Variants in DCDC2C observed in about 807,000 individuals in gnomAD.
The protein encoded by DCDC2C is doublecortin domain containing 2C, also known as doublecortin domain-containing protein 2C.
DCDC2C carries 44 observed loss-of-function variants against 45.0 expected under a neutral mutation model. The ratio of observed to expected loss-of-function variants is 0.98; its 90% CI spans 0.77 to 1.26. The LOEUF (loss-of-function observed/expected upper bound fraction) is 1.26, where lower values mean the gene tolerates loss of function less well. Among genes scored for constraint, DCDC2C ranks in the 50% most tolerant of loss-of-function variants. The pLI is 0.00. For synonymous variants in DCDC2C, 187 were observed against 178.8 expected, an observed-to-expected ratio of 1.05 and a Z score of -0.37; for missense variants, 447 against 468.9, an observed-to-expected ratio of 0.95 and a Z score of 0.43.
At chr2:3,799,185 C>T (rs1308115643) in intron 10 of DCDC2C, among the ~76,000 whole-genome samples, 1 of 152,172 alleles carries the variant, frequency 6.6e-6, no homozygotes, top group Non-Finnish European at 1.5e-5. Context: ...CTTCTGCATT[C>T]TTCACATAGT....
intron 10 of DCDC2C, among the ~76,000 whole-genome samples, chr2:3,838,452 CAGAGAGAGAGAG>C (rs61141962): frequency 0.033 from 3,715 of 112,474 alleles, 161 homozygotes; most frequent in African/African-American, 0.11. Flanking sequence ...AGGATCATGA[CAGAGAGAGAGAG>C]AGAGAGAGAG....
At chr2:3,727,178 C>A (rs1668712648) in intron 3 of DCDC2C, 99 bp downstream of exon 3, 1 of 923,564 alleles carries the variant, frequency 1.1e-6, no homozygotes, top group Non-Finnish European at 1.7e-6. Flanking sequence ...CCCTTTCTGT[C>A]CCTCCTCCCC....
intron 6 of DCDC2C, among the ~76,000 whole-genome samples, chr2:3,762,538 G>T (rs977656064): frequency 2.0e-5 from 3 of 152,142 alleles, no homozygotes; most frequent in Admixed American, 6.5e-5. Context: ...CATGGCAGAA[G>T]GTGAAGGGAA....
At chr2:3,763,836 C>A (rs755316572) in intron 6 of DCDC2C, among the ~76,000 whole-genome samples, 10 of 152,264 alleles carry the variant, frequency 6.6e-5, no homozygotes, top group Non-Finnish European at 1.2e-4. Context: ...CGGGGTAGAA[C>A]TGTGCTCTTT....
At chr2:3,714,233 TA>T (rs1445086893) in intron 2 of DCDC2C, among the ~76,000 whole-genome samples, 1 of 152,222 alleles carries the variant, frequency 6.6e-6, no homozygotes, top group East Asian at 1.9e-4. Flanking sequence ...AAATGATTTT[TA>T]AAATACTTCA....
intron 4 of DCDC2C, among the ~76,000 whole-genome samples, chr2:3,749,305 T>G (rs1435884678): frequency 6.6e-6 from 1 of 152,262 alleles, no homozygotes; most frequent in Admixed American, 6.5e-5. Context: ...TAGCATGTTA[T>G]GATGCAAAGC....
Position 3,703,710 on chromosome 2 carries a change from C to T in DCDC2C, c.-42C>T, listed in dbSNP as rs2148030864. On this transcript the variant is annotated 5_prime_UTR_variant, in exon 1 of 11. Transcript: ENST00000399143. This position sits in a 1 kb window ranked among gnomAD's most constrained non-coding sequence, Gnocchi z 4.4. The stretch of plus-strand genomic sequence containing the variant: ...CTGCAGGCGTCGCTGCCCGCGCTGC[C>T]GCAGCCTCTCGGCCCCGGCGAGCGA... The T allele has an allele frequency of 8.2e-7, 1 of 1,225,864 alleles. No homozygotes were observed. The highest frequency in any genetic ancestry group is 1.0e-6 in the Non-Finnish European group (1 of 983,962). 75.9% of individuals were successfully genotyped at this position (1,225,864 alleles called of 1,614,324 possible).
chr2:3,746,926 G>A (rs1322032739), intron 4 of DCDC2C, among the ~76,000 whole-genome samples: 1 of 152,240 alleles, frequency 6.6e-6, no homozygotes, highest in Non-Finnish European at 1.5e-5. Context: ...GTTCTGGGGT[G>A]GGGGGACTGT....
intron 10 of DCDC2C, among the ~76,000 whole-genome samples, chr2:3,804,154 G>A (rs772659958): frequency 5.3e-5 from 8 of 150,906 alleles, no homozygotes; most frequent in Non-Finnish European, 8.9e-5. Context: ...AGCCAGTGAC[G>A]CTGACCTGCA....
intron 10 of DCDC2C, among the ~76,000 whole-genome samples, chr2:3,841,744 C>T (rs1244748387): frequency 1.4e-5 from 2 of 144,468 alleles, no homozygotes; most frequent in African/African-American, 4.9e-5. Context: ...GCAGGTCTTC[C>T]TGTGGGATTA....
intron 3 of DCDC2C, among the ~76,000 whole-genome samples, chr2:3,729,148 G>A (rs62106632): frequency 0.018 from 2,724 of 152,268 alleles, 28 homozygotes; most frequent in Middle Eastern, 0.037. Flanking sequence ...ATCTTTTGTC[G>A]TTTATTTAGA....
chr2:3,839,985 G>A (rs949583518), intron 10 of DCDC2C, among the ~76,000 whole-genome samples: 1 of 152,222 alleles, frequency 6.6e-6, no homozygotes, highest in Non-Finnish European at 1.5e-5. Context: ...GAAGCCCGTG[G>A]ACTTCGCAAT....
rs1001210902 is a variant in DCDC2C, at chr2:3,734,139, C to T, written c.416+7060C>T. 7.9e-5 allele frequency among the ~76,000 whole-genome samples: 12 copies of T among 152,220 alleles called. No homozygotes were observed. The highest frequency in any genetic ancestry group is 3.9e-4 in the Admixed American group (6 of 15,286). On this transcript the variant is annotated intron_variant, in intron 3 of 10. Transcript: ENST00000399143. The surrounding 1 kb of genome is among the most constrained non-coding windows in gnomAD (Gnocchi z 4.2). The stretch of plus-strand genomic sequence containing the variant: ...CCATTTCCGTGGCACACCAACATCA[C>T]GTACTGCCCCAAAGGCATGGCGGCT...
chr2:3,797,329 T>C (rs1173605683), intron 10 of DCDC2C, among the ~76,000 whole-genome samples: 1 of 133,516 alleles, frequency 7.5e-6, no homozygotes, highest in East Asian at 2.4e-4. Context: ...AGCCCCTGGA[T>C]TCGTTAATTT....
Position 3,708,564 on chromosome 2 carries a change from T to G in DCDC2C, c.303T>G (p.Val101=), listed in dbSNP as rs1419140112. The part of the protein sequence containing the change: ...RFKELDYIHI[V]PRKPAKIRKL... ...TCTTTTGCAGTTATATTCATATAGT[T>G]CCCCGAAAACCTGCAAAGATAAGGA... The change falls in exon 2 of 11, where the codon GTT becomes GTG. Residue 101 remains valine (V), a synonymous_variant. Coordinates refer to ENST00000399143, the MANE Select transcript of DCDC2C (RefSeq NM_001287444.2). 6.5e-7 allele frequency: 1 copy of G among 1,548,172 alleles called. No homozygotes were observed. The highest frequency in any genetic ancestry group is 2.0e-5 in the Admixed American group (1 of 50,764).
chr2:3,728,478 G>A (rs910629425), intron 3 of DCDC2C, among the ~76,000 whole-genome samples: 1 of 152,138 alleles, frequency 6.6e-6, no homozygotes, highest in Non-Finnish European at 1.5e-5. Context: ...TGACAAAAAC[G>A]CCATCCTTAA....
chr2:3,745,443 G>GT (rs1413582158), intron 4 of DCDC2C, among the ~76,000 whole-genome samples: 1 of 152,112 alleles, frequency 6.6e-6, no homozygotes, highest in East Asian at 1.9e-4. Context: ...ACTTAAATTA[G>GT]TTTTTTATGG....
intron 4 of DCDC2C, among the ~76,000 whole-genome samples, chr2:3,748,869 G>T (rs550792007): frequency 2.6e-5 from 4 of 152,118 alleles, no homozygotes; most frequent in Non-Finnish European, 5.9e-5. Context: ...GTCCCTTAAT[G>T]GGGGGAAACT....
At position 3,729,865 on chromosome 2, in the gene DCDC2C, CTGCTGGACGCA is replaced by C. The variant is rs1668810711; in HGVS notation, c.416+2791_416+2801del. Among the ~76,000 whole-genome samples, 4 of 152,134 alleles carry C rather than the reference CTGCTGGACGCA, an allele frequency of 2.6e-5. No homozygotes were observed. In the South Asian group the frequency reaches 8.3e-4, roughly 32 times the overall value. ...GTCATCCTATGGCTGTGGCTTGATG[CTGCTGGACGCA>C]TGCTAGAGTTTGGTTGTATCTCAGC... On this transcript the variant is annotated intron_variant, in intron 3 of 10. Coordinates refer to ENST00000399143, the MANE Select transcript of DCDC2C (RefSeq NM_001287444.2).
Sources: allele counts gnomAD v4.1 joint callset (sites outside exome capture counted in the v4.1 genomes callset), GRCh38; gene constraint gnomAD v4.1.1; non-coding constraint Gnocchi (gnomAD v3.1); transcripts MANE v1.5; gene names NCBI Gene and HGNC (gene_info 2026-07-23, HGNC 2026-07-21).